ANTXR2: variants seen among roughly 807,000 people sequenced by gnomAD.
The protein encoded by ANTXR2 is ANTXR cell adhesion molecule 2, also known as anthrax toxin receptor 2.
ANTXR2 carries 44 observed loss-of-function variants against 73.7 expected under a neutral mutation model. The ratio of observed to expected loss-of-function variants is 0.60; its 90% CI spans 0.47 to 0.77. ANTXR2 has a LOEUF of 0.77. ANTXR2 is among the 30% of genes least tolerant of loss of function. The pLI, the probability that ANTXR2 is intolerant of heterozygous loss-of-function variation, is 0.00. For missense variants in ANTXR2, 604 were observed against 592.5 expected, an observed-to-expected ratio of 1.02 and a Z score of -0.20; for synonymous variants, 217 against 205.9, an observed-to-expected ratio of 1.05 and a Z score of -0.46.
intron 3 of ANTXR2, among the ~76,000 whole-genome samples, chr4:80,057,972 C>A (rs960253180): frequency 2.0e-5 from 3 of 151,900 alleles, no homozygotes; most frequent in Admixed American, 6.6e-5. Context: ...AAAATATTTA[C>A]GTTTGATAGC....
Position 80,054,369 on chromosome 4 carries a change from A to G in ANTXR2, c.556-17T>C. Reference sequence around the variant, plus strand: ...TCTTTCAAGCTTTAGAAAGAAGAGGAAGACTTAATTAAGGAGTGGCTGACA... The same window carrying G: ...TCTTTCAAGCTTTAGAAAGAAGAGGGAGACTTAATTAAGGAGTGGCTGACA... On this transcript the variant is annotated splice_polypyrimidine_tract_variant and intron_variant, in intron 6 of 16. Transcript: ENST00000403729. The G allele has an allele frequency of 6.4e-7, 1 of 1,559,106 alleles. No homozygotes were observed. The highest frequency in any genetic ancestry group is 8.7e-7 in the Non-Finnish European group (1 of 1,146,928).
chr4:80,049,730 A>G (rs747123868), intron 7 of ANTXR2, among the ~76,000 whole-genome samples: 30 of 151,730 alleles, frequency 2.0e-4, no homozygotes, highest in Non-Finnish European at 3.7e-4. Flanking sequence ...AGAATGCCCA[A>G]GTTACTTTTG....
intron 16 of ANTXR2, among the ~76,000 whole-genome samples, chr4:79,955,112 T>C (rs1045603946): frequency 6.6e-6 from 1 of 152,120 alleles, no homozygotes; most frequent in Non-Finnish European, 1.5e-5. Context: ...AAAATGACAA[T>C]GGAGATAATC....
intron 16 of ANTXR2, among the ~76,000 whole-genome samples, chr4:79,930,915 T>A (rs1728029869): frequency 6.6e-6 from 1 of 152,232 alleles, no homozygotes; most frequent in Non-Finnish European, 1.5e-5. Flanking sequence ...ATTATAGATA[T>A]GAGAGTTGTT....
chr4:80,060,986 C>T (rs1173781600), intron 3 of ANTXR2, among the ~76,000 whole-genome samples: 6 of 152,134 alleles, frequency 3.9e-5, no homozygotes, highest in African/African-American at 1.2e-4. Flanking sequence ...TCGGTGCCAG[C>T]GCTGATACTG....
In ANTXR2 at chr4:79,977,675, C is replaced by A. The variant is rs1471976969; in HGVS notation, c.1374G>T (p.Leu458Phe). The A allele has an allele frequency of 5.1e-6, 8 of 1,580,964 alleles. No homozygotes were observed. Among genetic ancestry groups the A allele is most frequent in the Non-Finnish European group, 6.9e-6 (8 of 1,162,564 alleles). ...AAACCCGGTCATACTGCCGCCTCAA[C>A]AAAGCCCAGAGAGCATCAAGACGAC... is the stretch of plus-strand genomic sequence containing the variant. ...IKGRLDALWA[L>F]LRRQYDRVSL... The change falls in exon 16 of 17, where the codon TTG becomes TTT. Residue 458 changes from leucine to phenylalanine, a missense_variant. Coordinates refer to ENST00000403729, the MANE Select transcript of ANTXR2 (RefSeq NM_058172.6).
At chr4:80,068,654 C>A (rs1017174579) in intron 3 of ANTXR2, among the ~76,000 whole-genome samples, 1 of 152,126 alleles carries the variant, frequency 6.6e-6, no homozygotes, top group African/African-American at 2.4e-5. Flanking sequence ...TGCCTATAAT[C>A]CCAGCTACTC....
rs769996160 is a variant in ANTXR2, at chr4:79,976,987, A to G, written c.1428+634T>C. Among the ~76,000 whole-genome samples the G allele has an allele frequency of 7.9e-5, 12 of 152,230 alleles. 1 individual carries two copies. Among genetic ancestry groups the G allele is most frequent in the Admixed American group, 2.6e-4 (4 of 15,290 alleles). On this transcript the variant is annotated intron_variant, in intron 16 of 16. Transcript: ENST00000403729. ...ATACAATGGGAAATAGTACTACTAT[A>G]TTACTGAAATTACAAAACTAGAGTA...
intron 16 of ANTXR2, among the ~76,000 whole-genome samples, chr4:79,918,275 G>A (rs1345676384): frequency 6.6e-6 from 1 of 152,112 alleles, no homozygotes; most frequent in East Asian, 1.9e-4. Flanking sequence ...GACAAAAAAT[G>A]GGGCTAAAAA....
intron 3 of ANTXR2, among the ~76,000 whole-genome samples, chr4:80,068,404 C>T (rs562465480): frequency 6.6e-6 from 1 of 152,272 alleles, no homozygotes; most frequent in South Asian, 2.1e-4. Context: ...GGCTTACATA[C>T]TCTGTTAAAT....
intron 3 of ANTXR2, among the ~76,000 whole-genome samples, chr4:80,063,231 G>C (rs147154034): frequency 6.6e-6 from 1 of 152,236 alleles, no homozygotes; most frequent in East Asian, 1.9e-4. Context: ...GGCAGCAAGA[G>C]GGTGAGTAAT....
chr4:79,954,656 T>C (rs1728825559), intron 16 of ANTXR2, among the ~76,000 whole-genome samples: 1 of 152,162 alleles, frequency 6.6e-6, no homozygotes, highest in African/African-American at 2.4e-5. Context: ...ATTCAGGATT[T>C]TGTTCTATTT....
At chr4:79,908,232 C>T (rs142272781) in intron 16 of ANTXR2, among the ~76,000 whole-genome samples, 8 of 152,136 alleles carry the variant, frequency 5.3e-5, no homozygotes, top group Non-Finnish European at 1.2e-4. Context: ...CTAAATCATT[C>T]CCAGATTCCT....
intron 12 of ANTXR2, among the ~76,000 whole-genome samples, chr4:79,992,554 C>T (rs1730524070): frequency 6.6e-6 from 1 of 151,524 alleles, no homozygotes; most frequent in Non-Finnish European, 1.5e-5. Context: ...AAAGATAAAA[C>T]TTTATGATTT....
intron 12 of ANTXR2, among the ~76,000 whole-genome samples, chr4:79,992,203 T>C (rs1306398448): frequency 6.6e-6 from 1 of 152,048 alleles, no homozygotes; most frequent in Non-Finnish European, 1.5e-5. Flanking sequence ...GTTTTTTTAA[T>C]TTTTAATTTT....
chr4:80,055,399 G>A lies in ANTXR2; in HGVS notation c.447C>T (p.Gly149=). ...ATGATGGCACCAGACCGTCCAACTT[G>A]CCATCTGTCAGAGCAATTATGATAC... ...TSSIIIALTD[G]KLDGLVPSYA... The change falls in exon 5 of 17, where the codon GGC becomes GGT. Residue 149 remains glycine, a synonymous_variant. Transcript: ENST00000403729. The A allele has an allele frequency of 6.2e-7, 1 of 1,611,132 alleles. No individual in the cohort carries two copies. Among genetic ancestry groups the A allele is most frequent in the South Asian group, 1.1e-5 (1 of 90,888 alleles).
At chr4:80,057,416 C>T (rs1378567179) in intron 3 of ANTXR2, among the ~76,000 whole-genome samples, 2 of 151,886 alleles carry the variant, frequency 1.3e-5, no homozygotes, top group Admixed American at 1.3e-4. Context: ...GCCTTATATA[C>T]GTTTTAAAAG....
Position 79,932,700 on chromosome 4 carries a change from G to A in ANTXR2, c.1429-25233C>T, listed in dbSNP as rs143205988. ...CCAGCTACTCGGAAGGCTGAGGCAG[G>A]AGAATCGCTTGAACCTGGGAAGTAG... On this transcript the variant is annotated intron_variant, in intron 16 of 16. Coordinates refer to ENST00000403729, the MANE Select transcript of ANTXR2 (RefSeq NM_058172.6). 2.0e-4 allele frequency among the ~76,000 whole-genome samples: 30 copies of A among 147,816 alleles called. 1 individual carries two copies. The highest frequency in any genetic ancestry group is 7.1e-4 in the African/African-American group (28 of 39,468).
intron 11 of ANTXR2, among the ~76,000 whole-genome samples, chr4:80,018,292 T>C (rs1368624389): frequency 6.6e-6 from 1 of 152,090 alleles, no homozygotes; most frequent in Non-Finnish European, 1.5e-5. Context: ...TTTCTATAAA[T>C]CCACAAAATT....
Sources: gnomAD v4.1 joint callset for allele counts (sites outside exome capture counted in the v4.1 genomes callset) on GRCh38, gnomAD v4.1.1 for gene constraint, MANE v1.5 for transcripts, NCBI Gene and HGNC (gene_info 2026-07-23, HGNC 2026-07-21) for gene names.